FSTL1: variants seen among roughly 807,000 people sequenced by gnomAD.
The protein encoded by FSTL1 is follistatin-related protein 1.
FSTL1 carries 24 observed loss-of-function variants against 45.9 expected under a neutral mutation model. That is an observed-to-expected ratio of 0.52 (90% confidence interval 0.38 to 0.74). The LOEUF is 0.74. FSTL1 is among the 30% of genes least tolerant of loss of function. The pLI is 0.00. For synonymous variants in FSTL1, 120 were observed against 137.6 expected, an observed-to-expected ratio of 0.87 and a Z score of 0.89; for missense variants, 340 against 381.8, an observed-to-expected ratio of 0.89 and a Z score of 0.91.
intron 2 of FSTL1, among the ~76,000 whole-genome samples, chr3:120,430,918 G>A (rs1241592728): frequency 6.6e-6 from 1 of 152,222 alleles, no homozygotes; most frequent in Non-Finnish European, 1.5e-5. Flanking sequence ...GTCTAGAGCA[G>A]TGCTGTCCAA....
At chr3:120,404,791 A>G in intron 7 of FSTL1, 62 bp downstream of exon 7, 1 of 887,172 alleles carries the variant, frequency 1.1e-6, no homozygotes, top group Admixed American at 1.7e-5. Context: ...AAAGGGTTTA[A>G]GTCCCCTCTC....
chr3:120,414,594 G>A (rs567136900), intron 3 of FSTL1, among the ~76,000 whole-genome samples: 73 of 152,312 alleles, frequency 4.8e-4, no homozygotes, highest in African/African-American at 1.6e-3. Context: ...TGGTTGCCAT[G>A]TCTGTGTAGA....
intron 7 of FSTL1, among the ~76,000 whole-genome samples, chr3:120,404,501 A>G (rs1936908153): frequency 6.6e-6 from 1 of 152,244 alleles, no homozygotes; most frequent in Non-Finnish European, 1.5e-5. Context: ...TTTTAGACCT[A>G]TAGTTAAATA....
At chr3:120,415,437 T>G (rs1937170757) in intron 3 of FSTL1, among the ~76,000 whole-genome samples, 1 of 152,178 alleles carries the variant, frequency 6.6e-6, no homozygotes, top group African/African-American at 2.4e-5. Flanking sequence ...CCTGATAAAT[T>G]AATGAGTAAA....
chr3:120,431,430 T>C (rs1576223451), intron 2 of FSTL1, among the ~76,000 whole-genome samples: 1 of 152,240 alleles, frequency 6.6e-6, no homozygotes, highest in Non-Finnish European at 1.5e-5. Context: ...GAATCTGGTA[T>C]GTCTTTTACA....
chr3:120,440,350 C>T (rs142546657), intron 2 of FSTL1, among the ~76,000 whole-genome samples: 55 of 152,344 alleles, frequency 3.6e-4, no homozygotes, highest in South Asian at 6.2e-4. Context: ...GAAAGTTAAA[C>T]GGCTGGGTCT....
At chr3:120,449,549 G>C (rs1937835538) in intron 2 of FSTL1, among the ~76,000 whole-genome samples, 1 of 152,158 alleles carries the variant, frequency 6.6e-6, no homozygotes, top group African/African-American at 2.4e-5. Context: ...ATAAATATTA[G>C]CTACTTTTAT....
intron 10 of FSTL1, among the ~76,000 whole-genome samples, chr3:120,398,315 C>G (rs549894427): frequency 6.6e-6 from 1 of 152,268 alleles, no homozygotes; most frequent in East Asian, 1.9e-4. Flanking sequence ...TTCCATCCAT[C>G]GCCCCTTTGT....
chr3:120,416,368 G>A (rs1937187392), intron 2 of FSTL1, among the ~76,000 whole-genome samples: 1 of 152,124 alleles, frequency 6.6e-6, no homozygotes, highest in Non-Finnish European at 1.5e-5. Flanking sequence ...AGATACAAAG[G>A]ACAGACCCTG....
chr3:120,395,523 T>G lies in FSTL1; in HGVS notation c.*1429A>C, dbSNP rs1428927512. 12 of 426,186 alleles carry G rather than the reference T, an allele frequency of 2.8e-5. No individual in the cohort carries two copies. The highest frequency in any genetic ancestry group is 2.1e-4 in the South Asian group (12 of 55,814). 26.4% of individuals were successfully genotyped at this position (426,186 alleles called of 1,614,324 possible). ...ATGAAATGCAAATATGAAGACAGAG[T>G]GGGGTGGTTCTCTTTCCCACTCTCT... On this transcript the variant is annotated 3_prime_UTR_variant, in exon 11 of 11. Transcript: ENST00000295633.
chr3:120,450,606 GACGC>G (rs1937871531), intron 2 of FSTL1, 74 bp downstream of exon 2: 1 of 943,946 alleles, frequency 1.1e-6, no homozygotes, highest in African/African-American at 1.8e-5. Flanking sequence ...GCATCCCCAG[GACGC>G]GCGCCCACCC....
At position 120,412,841 on chromosome 3, in the gene FSTL1, C is replaced by G. The variant is rs961744481; in HGVS notation, c.169-858G>C. On this transcript the variant is annotated intron_variant, in intron 3 of 10. Transcript: ENST00000295633. ...ATGTGCGCGCGCGCGCGCGCGCGCA[C>G]ACACACACACACACACACACACACA... 3.3e-3 allele frequency among the ~76,000 whole-genome samples: 411 copies of G among 123,786 alleles called. 2 individuals are homozygous for G. The highest frequency in any genetic ancestry group is 5.3e-3 in the Non-Finnish European group (291 of 55,082). The allele number at this position is 123,786 out of a possible 152,430, so 81.2% of individuals were successfully genotyped here. A position where few individuals can be genotyped will look rare whatever the true frequency, so the allele number is the denominator to read the frequency against.
intron 2 of FSTL1, among the ~76,000 whole-genome samples, chr3:120,418,899 T>C (rs967104257): frequency 6.6e-6 from 1 of 152,220 alleles, no homozygotes; most frequent in Non-Finnish European, 1.5e-5. Flanking sequence ...TGAGATGCTG[T>C]CACTACCACC....
At chr3:120,414,309 C>T (rs565243071) in intron 3 of FSTL1, among the ~76,000 whole-genome samples, 40 of 152,040 alleles carry the variant, frequency 2.6e-4, no homozygotes, top group African/African-American at 6.5e-4. Context: ...CGTCTCTGCC[C>T]GGCCGCCATC....
chr3:120,415,873 A>AG (rs3215378), intron 3 of FSTL1, 50 bp downstream of exon 3: 390,870 of 1,074,504 alleles, frequency 0.36, 74,752 homozygotes, highest in Admixed American at 0.43. Flanking sequence ...TCCGCAAGGT[A>AG]CCACATTGGC....
At chr3:120,443,819 A>G (rs1937679961) in intron 2 of FSTL1, among the ~76,000 whole-genome samples, 1 of 149,874 alleles carries the variant, frequency 6.7e-6, no homozygotes, top group Non-Finnish European at 1.5e-5. Context: ...TGAGCATCTA[A>G]AGTCTGTGAA....
chr3:120,427,965 G>A (rs1937411361), intron 2 of FSTL1, among the ~76,000 whole-genome samples: 1 of 152,144 alleles, frequency 6.6e-6, no homozygotes, highest in Admixed American at 6.5e-5. Flanking sequence ...AGAGAAGCAA[G>A]TGAGAAGGCA....
chr3:120,421,916 T>C (rs28718940), intron 2 of FSTL1, among the ~76,000 whole-genome samples: 13,471 of 152,278 alleles, frequency 0.088, 633 homozygotes, highest in Non-Finnish European at 0.096. Flanking sequence ...ATTGGGTAAA[T>C]GGCCTTGCAA....
intron 3 of FSTL1, among the ~76,000 whole-genome samples, chr3:120,415,525 G>A (rs936579034): frequency 6.6e-6 from 1 of 152,138 alleles, no homozygotes; most frequent in East Asian, 1.9e-4. Context: ...TATGTCTACA[G>A]TAGCATATAA....
Sources: gnomAD v4.1 joint callset for allele counts (sites outside exome capture counted in the v4.1 genomes callset) on GRCh38, gnomAD v4.1.1 for gene constraint, MANE v1.5 for transcripts, NCBI Gene and HGNC (gene_info 2026-07-23, HGNC 2026-07-21) for gene names.